The following FBXO38 variants were observed in gnomAD, a reference collection of about 807,000 sequenced individuals.
FBXO38 encodes the protein F-box protein 38, also known as F-box only protein 38.
Under a neutral mutation model 131.9 loss-of-function variants are expected in FBXO38, and 53 were observed. The ratio of observed to expected loss-of-function variants is 0.40; its 90% CI spans 0.32 to 0.51. The LOEUF (loss-of-function observed/expected upper bound fraction) is 0.51, where lower values mean the gene tolerates loss of function less well. Ranked by LOEUF, FBXO38 falls within the 20% of genes least tolerant of loss-of-function variation. FBXO38 has a pLI of 0.53. For missense variants in FBXO38, 1,076 were observed against 1,475.6 expected (o/e 0.73, Z 4.44); for synonymous variants, 452 against 505.6 (o/e 0.89, Z 1.42).
chr5:148,440,570 G>A, intron 20 of FBXO38, 43 bp downstream of exon 20: 2 of 1,205,468 alleles, frequency 1.7e-6, no homozygotes, highest in Non-Finnish European at 2.4e-6. Flanking sequence ...AGCCTGTGCA[G>A]TACTTACCTC....
At chr5:148,430,152 A>ATTTTT (rs374898610) in intron 15 of FBXO38, 1 of 118,672 alleles carries the variant, frequency 8.4e-6, no homozygotes, top group African/African-American at 4.0e-5. Context: ...AATTATTATT[A>ATTTTT]TTATTATTTT....
At chr5:148,413,650 G>A (rs1752896112) in intron 9 of FBXO38, 1 of 152,444 alleles carries the variant, frequency 6.6e-6, no homozygotes, top group African/African-American at 2.4e-5. Context: ...TTAGGGTATA[G>A]ATAGATGTTA....
intron 1 of FBXO38, among the ~76,000 whole-genome samples, chr5:148,388,934 G>A (rs1272320336): frequency 6.6e-6 from 1 of 152,174 alleles, no homozygotes; most frequent in Non-Finnish European, 1.5e-5. Flanking sequence ...CCTCACTAAG[G>A]TTAGTCATTT....
chr5:148,432,400 C>T (rs537364628), intron 15 of FBXO38, among the ~76,000 whole-genome samples: 1 of 152,292 alleles, frequency 6.6e-6, no homozygotes, highest in Middle Eastern at 3.4e-3. Context: ...CAGGGTTTGA[C>T]AGACGAAAGA....
intron 15 of FBXO38, among the ~76,000 whole-genome samples, chr5:148,433,053 T>C (rs895487099): frequency 6.6e-6 from 1 of 152,220 alleles, no homozygotes; most frequent in African/African-American, 2.4e-5. Flanking sequence ...ATGTGAAGCA[T>C]TGAAACATTC....
At chr5:148,416,960 A>G in intron 11 of FBXO38, 34 bp from the exon 12 acceptor site, 1 of 1,425,700 alleles carries the variant, frequency 7.0e-7, no homozygotes. Flanking sequence ...ACTAACCCAA[A>G]TTAATAAACG....
chr5:148,412,902 A>T (rs921644501), intron 9 of FBXO38, among the ~76,000 whole-genome samples: 2 of 152,082 alleles, frequency 1.3e-5, no homozygotes, highest in East Asian at 3.9e-4. Context: ...AAGTAATATC[A>T]TCAGGATTTT....
intron 21 of FBXO38, 51 bp from the exon 22 acceptor site, chr5:148,441,918 A>T (rs1348387220): frequency 6.6e-7 from 1 of 1,524,366 alleles, no homozygotes; most frequent in Non-Finnish European, 8.9e-7. Flanking sequence ...GTGATTTTCC[A>T]AATGATTCTG....
intron 10 of FBXO38, among the ~76,000 whole-genome samples, chr5:148,415,708 T>C (rs1018941448): frequency 2.0e-5 from 3 of 152,206 alleles, no homozygotes; most frequent in African/African-American, 7.2e-5. Flanking sequence ...TCAGGGCTGA[T>C]TGGATTCAAA....
chr5:148,406,836 G>A (rs1304396365), intron 7 of FBXO38, among the ~76,000 whole-genome samples: 1 of 151,948 alleles, frequency 6.6e-6, no homozygotes, highest in East Asian at 1.9e-4. Flanking sequence ...CATATTACTT[G>A]GATATTGATT....
chr5:148,417,535 C>T (rs193019660), intron 12 of FBXO38, among the ~76,000 whole-genome samples: 1 of 152,026 alleles, frequency 6.6e-6, no homozygotes, highest in East Asian at 1.9e-4. Context: ...GTCTCCTAGA[C>T]CAATGGATAG....
intron 17 of FBXO38, among the ~76,000 whole-genome samples, chr5:148,435,564 G>A (rs974859900): frequency 3.3e-5 from 5 of 152,312 alleles, no homozygotes; most frequent in African/African-American, 1.2e-4. Context: ...GAGGTCAGGA[G>A]ATCAAGACCA....
Position 148,441,164 on chromosome 5 carries a change from C to T in FBXO38, c.3315C>T (p.Phe1105=), listed in dbSNP as rs552366782. The stretch of plus-strand genomic sequence containing the variant: ...CTCCATATTCCATGATTTCTGACTT[C>T]CCTTGGCTGAGGTCATTACGAGCTG... ...DGAPYSMISD[F]PWLRSLRAAE... The change falls in exon 21 of 22, where the codon TTC becomes TTT. Residue 1105 remains phenylalanine (F), a synonymous_variant. Transcript: ENST00000340253. 3.3e-5 allele frequency: 54 copies of T among 1,613,932 alleles called. No homozygotes were observed. The highest frequency in any genetic ancestry group is 4.5e-5 in the Non-Finnish European group (53 of 1,179,974).
At chr5:148,416,348 G>C (rs1478986903) in intron 11 of FBXO38, among the ~76,000 whole-genome samples, 3 of 152,024 alleles carry the variant, frequency 2.0e-5, no homozygotes, top group Non-Finnish European at 2.9e-5. Context: ...GGTGAGGCTG[G>C]AAATTTAAGA....
At chr5:148,384,883 G>C (rs1364511610) in intron 1 of FBXO38, 1 of 152,184 alleles carries the variant, frequency 6.6e-6, no homozygotes, top group Non-Finnish European at 1.5e-5. Flanking sequence ...AAAAACAGGA[G>C]ACCTTGATTT....
At position 148,414,323 on chromosome 5, in the gene FBXO38, A is replaced by G. The variant is rs1475068485; in HGVS notation, c.1264+17A>G. ...GGATCTCAGGTATTACAGACTTAAAAATACAGCTATGTTTTATTGATACTG... is the reference window on the plus strand; with the variant it reads ...GGATCTCAGGTATTACAGACTTAAAGATACAGCTATGTTTTATTGATACTG... On this transcript the variant is annotated intron_variant, in intron 10 of 21. Coordinates refer to ENST00000340253, the MANE Select transcript of FBXO38 (RefSeq NM_205836.3). 6.4e-7 allele frequency: 1 copy of G among 1,564,488 alleles called. No homozygotes were observed. The highest frequency in any genetic ancestry group is 1.4e-5 in the African/African-American group (1 of 72,656).
intron 15 of FBXO38, among the ~76,000 whole-genome samples, chr5:148,431,157 G>T (rs546285214): frequency 2.1e-4 from 32 of 152,280 alleles, no homozygotes; most frequent in Middle Eastern, 3.4e-3. Context: ...ATGGAATGGG[G>T]CTTAGATAAT....
intron 14 of FBXO38, 111 bp downstream of exon 14, chr5:148,425,812 A>G (rs1031527976): frequency 1.1e-6 from 1 of 910,490 alleles, no homozygotes; most frequent in Non-Finnish European, 1.7e-6. Context: ...GGAATGTGAC[A>G]GGAAGCAAGA....
intron 20 of FBXO38, 89 bp downstream of exon 20, chr5:148,440,616 G>A (rs953873604): frequency 1.3e-6 from 1 of 742,198 alleles, no homozygotes; most frequent in South Asian, 1.9e-5. Context: ...GAGGTGGGAG[G>A]ATCACTTGAG....
Sources: gnomAD v4.1 joint callset for allele counts (sites outside exome capture counted in the v4.1 genomes callset) on GRCh38, gnomAD v4.1.1 for gene constraint, MANE v1.5 for transcripts, NCBI Gene and HGNC (gene_info 2026-07-23, HGNC 2026-07-21) for gene names.